Variants in AOPEP observed in about 807,000 individuals in gnomAD.
The protein encoded by AOPEP is aminopeptidase O.
AOPEP carries 77 observed loss-of-function variants against 98.1 expected under a neutral mutation model. That is an observed-to-expected ratio of 0.78 (90% confidence interval 0.65 to 0.95). AOPEP has a LOEUF of 0.95. Ranked by LOEUF, AOPEP falls within the 40% of genes least tolerant of loss-of-function variation. AOPEP has a pLI of 0.00. For synonymous variants in AOPEP, 346 were observed against 365.3 expected, an observed-to-expected ratio of 0.95 and a Z score of 0.60; for missense variants, 1,024 against 1,024.7, an observed-to-expected ratio of 1.00 and a Z score of 0.01.
At chr9:95,141,985 G>GTTT in the AOPEP span, among the ~76,000 whole-genome samples, 7,059 of 82,068 alleles carry the variant, frequency 0.086, 138 homozygotes, top group African/African-American at 0.093. Flanking sequence ...AGTTTGTGGG[G>GTTT]TTTTTTTTTT....
the AOPEP span, among the ~76,000 whole-genome samples, chr9:95,136,991 G>A: frequency 6.6e-6 from 1 of 151,984 alleles, no homozygotes; most frequent in Non-Finnish European, 1.5e-5. Context: ...CCAGACAGTG[G>A]GTGCTTCCCA....
chr9:95,020,531 A>G (rs1334523879), intron 13 of AOPEP, among the ~76,000 whole-genome samples: 1 of 152,020 alleles, frequency 6.6e-6, no homozygotes, highest in Admixed American at 6.6e-5. Flanking sequence ...TTCATGTTAC[A>G]TTAGTGGATT....
intron 5 of AOPEP, among the ~76,000 whole-genome samples, chr9:94,804,381 A>G (rs1056004017): frequency 1.3e-5 from 2 of 151,990 alleles, no homozygotes; most frequent in Non-Finnish European, 2.9e-5. Flanking sequence ...TTTTCCTTGT[A>G]TTTGAATTTC....
At chr9:95,111,236 G>A in the AOPEP span, 2 of 1,537,756 alleles carry the variant, frequency 1.3e-6, no homozygotes, top group South Asian at 1.2e-5. Context: ...TTTTGCAGGA[G>A]AATGGGCTGG....
At chr9:95,105,261 G>C in the AOPEP span, among the ~76,000 whole-genome samples, 11 of 152,158 alleles carry the variant, frequency 7.2e-5, no homozygotes, top group Admixed American at 4.6e-4. Context: ...GTCATGTTAC[G>C]GGGACTTTCT....
At chr9:94,790,096 C>T (rs1167379499) in intron 3 of AOPEP, among the ~76,000 whole-genome samples, 3 of 151,698 alleles carry the variant, frequency 2.0e-5, no homozygotes, top group African/African-American at 7.3e-5. Flanking sequence ...AGGATGGTCT[C>T]GATCTCCTGA....
chr9:94,759,789 C>T lies in AOPEP; in HGVS notation c.6C>T (p.Asp2=). 1 of 1,612,850 alleles carries T rather than the reference C, an allele frequency of 6.2e-7. No individual in the cohort carries two copies. The highest frequency in any genetic ancestry group is 1.3e-5 in the African/African-American group (1 of 74,976). M[D]IQLDPARDDL... ...CTCAAACAATAAACCACATCATGGACATACAGCTGGACCCTGCCAGAGATG... is the reference window on the plus strand; with the variant it reads ...CTCAAACAATAAACCACATCATGGATATACAGCTGGACCCTGCCAGAGATG... Residue 2 remains aspartate, a synonymous_variant, in exon 2 of 17, where the codon GAC becomes GAT. Transcript: ENST00000375315.
chr9:94,927,254 C>T, intron 6 of AOPEP, among the ~76,000 whole-genome samples: 1 of 152,232 alleles, frequency 6.6e-6, no homozygotes, highest in Non-Finnish European at 1.5e-5. Context: ...TCATGACTTA[C>T]TTAACCTTAA....
chr9:94,901,835 G>A (rs2050447916), intron 5 of AOPEP, among the ~76,000 whole-genome samples: 1 of 152,060 alleles, frequency 6.6e-6, no homozygotes, highest in African/African-American at 2.4e-5. Context: ...TAGCTACTTG[G>A]GAGACTGAGG....
chr9:95,093,829 C>T, the AOPEP span, among the ~76,000 whole-genome samples: 1 of 152,186 alleles, frequency 6.6e-6, no homozygotes, highest in Non-Finnish European at 1.5e-5. Context: ...TGACACCCCA[C>T]CTTCTGGGGG....
At chr9:95,014,435 G>A (rs1166539020) in intron 13 of AOPEP, among the ~76,000 whole-genome samples, 1 of 151,912 alleles carries the variant, frequency 6.6e-6, no homozygotes, top group Non-Finnish European at 1.5e-5. Flanking sequence ...TCGTGCCACT[G>A]CCTTCCAGCC....
intron 1 of AOPEP, among the ~76,000 whole-genome samples, chr9:94,741,739 C>G (rs1833179238): frequency 6.6e-6 from 1 of 152,060 alleles, no homozygotes; most frequent in Non-Finnish European, 1.5e-5. Flanking sequence ...TTTGCGGCCC[C>G]CCAAAAAAGA....
chr9:95,032,199 G>C (rs1451385372), intron 13 of AOPEP, among the ~76,000 whole-genome samples: 1 of 152,180 alleles, frequency 6.6e-6, no homozygotes, highest in Non-Finnish European at 1.5e-5. Context: ...GCCAGCGGAG[G>C]CCACCTGCTT....
intron 5 of AOPEP, among the ~76,000 whole-genome samples, chr9:94,840,682 A>T (rs745595345): frequency 1.3e-5 from 2 of 152,148 alleles, no homozygotes; most frequent in Non-Finnish European, 2.9e-5. Context: ...TTAAATTTCT[A>T]GGACTATTTA....
intron 5 of AOPEP, among the ~76,000 whole-genome samples, chr9:94,870,135 C>T (rs1174609179): frequency 6.6e-6 from 1 of 152,000 alleles, no homozygotes; most frequent in African/African-American, 2.4e-5. Flanking sequence ...ATTATAGGCA[C>T]ACGCCACCAT....
chr9:95,078,648 G>C lies in AOPEP; in HGVS notation c.2233-2046G>C, dbSNP rs555823358. Reference sequence around the variant, plus strand: ...CCAGCTGTCGCTCCCATCCATATGTGGCCATCTCGCCAGACCACACCAGCT... The same window carrying C: ...CCAGCTGTCGCTCCCATCCATATGTCGCCATCTCGCCAGACCACACCAGCT... On this transcript the variant is annotated intron_variant, in intron 14 of 16. Coordinates refer to ENST00000375315, the MANE Select transcript of AOPEP (RefSeq NM_001193329.3). 5.7e-4 allele frequency among the ~76,000 whole-genome samples: 87 copies of C among 152,238 alleles called. 2 individuals are homozygous for C. The highest frequency in any genetic ancestry group is 2.9e-4 in the Non-Finnish European group (20 of 68,044).
intron 5 of AOPEP, among the ~76,000 whole-genome samples, chr9:94,915,071 G>A (rs528536695): frequency 6.6e-6 from 1 of 152,296 alleles, no homozygotes; most frequent in African/African-American, 2.4e-5. Context: ...CAGGCTGCTT[G>A]TGTTTGAATC....
intron 5 of AOPEP, among the ~76,000 whole-genome samples, chr9:94,862,248 A>G (rs1430701172): frequency 6.6e-6 from 1 of 151,974 alleles, no homozygotes; most frequent in Admixed American, 6.6e-5. Flanking sequence ...GCTGAGCAGG[A>G]CCCCCACAGA....
At chr9:94,876,293 T>C (rs1045471313) in intron 5 of AOPEP, among the ~76,000 whole-genome samples, 31 of 152,034 alleles carry the variant, frequency 2.0e-4, no homozygotes, top group Admixed American at 2.0e-4. Context: ...AAGCTTGCCA[T>C]CCACCATTGA....
Sources: allele counts gnomAD v4.1 joint callset (sites outside exome capture counted in the v4.1 genomes callset), GRCh38; gene constraint gnomAD v4.1.1; transcripts MANE v1.5; gene names NCBI Gene and HGNC (gene_info 2026-07-23, HGNC 2026-07-21).